Variants in AP1G1 observed in about 807,000 individuals in gnomAD.
AP1G1 encodes adaptor related protein complex 1 subunit gamma 1, also known as AP-1 complex subunit gamma-1.
AP1G1 carries 7 observed loss-of-function variants against 108.3 expected under a neutral mutation model. The observed-to-expected ratio is 0.06, with a 90% confidence interval of 0.04 to 0.12. The LOEUF is 0.12. AP1G1 is among the 10% of genes least tolerant of loss of function. AP1G1 has a pLI of 1.00. For synonymous variants in AP1G1, 379 were observed against 353.5 expected, an observed-to-expected ratio of 1.07 and a Z score of -0.81; for missense variants, 756 against 1,010.7, an observed-to-expected ratio of 0.75 and a Z score of 3.42.
intron 1 of AP1G1, among the ~76,000 whole-genome samples, chr16:71,803,599 T>C (rs2032886320): frequency 6.6e-6 from 1 of 152,164 alleles, no homozygotes; most frequent in African/African-American, 2.4e-5. Flanking sequence ...TGTATTGTGT[T>C]ACTAGGTCAG....
At chr16:71,801,763 A>G (rs2032808518) in intron 1 of AP1G1, among the ~76,000 whole-genome samples, 1 of 152,104 alleles carries the variant, frequency 6.6e-6, no homozygotes, top group African/African-American at 2.4e-5. Context: ...TCTACTGAAA[A>G]TACAAAAAAT....
At chr16:71,779,827 A>G (rs2031936812) in intron 2 of AP1G1, among the ~76,000 whole-genome samples, 1 of 152,046 alleles carries the variant, frequency 6.6e-6, no homozygotes, top group South Asian at 2.1e-4. Context: ...AGTTTCGCAC[A>G]CGGTCAGATG....
At chr16:71,762,157 T>C (rs1006739112) in intron 9 of AP1G1, among the ~76,000 whole-genome samples, 2 of 152,004 alleles carry the variant, frequency 1.3e-5, no homozygotes, top group African/African-American at 4.8e-5. Context: ...GGCACACCCA[T>C]GCAATATGGA....
At chr16:71,779,723 T>A (rs2031931668) in intron 2 of AP1G1, among the ~76,000 whole-genome samples, 1 of 152,206 alleles carries the variant, frequency 6.6e-6, no homozygotes, top group East Asian at 1.9e-4. Context: ...CCTTTTTACA[T>A]CTTCCTGTAG....
At chr16:71,789,247 C>G in intron 2 of AP1G1, 32 bp downstream of exon 2, 1 of 1,581,970 alleles carries the variant, frequency 6.3e-7, no homozygotes, top group East Asian at 2.3e-5. Flanking sequence ...TCAAAGAATA[C>G]CCTTGCTACA....
At chr16:71,781,933 G>A (rs768008403) in intron 2 of AP1G1, among the ~76,000 whole-genome samples, 2 of 152,198 alleles carry the variant, frequency 1.3e-5, no homozygotes, top group African/African-American at 2.4e-5. Context: ...CTTAGAGCCA[G>A]TGGTATGAAC....
chr16:71,801,985 A>G (rs2032818713), intron 1 of AP1G1, among the ~76,000 whole-genome samples: 1 of 151,848 alleles, frequency 6.6e-6, no homozygotes, highest in Non-Finnish European at 1.5e-5. Flanking sequence ...TTTGGATTTT[A>G]GGATTAGGGA....
chr16:71,753,918 A>C, intron 12 of AP1G1, 31 bp from the exon 13 acceptor site: 1 of 1,604,154 alleles, frequency 6.2e-7, no homozygotes, highest in Middle Eastern at 1.7e-4. Context: ...GGACACTTGG[A>C]ACCAGTAAAA....
At position 71,790,810 on chromosome 16, in the gene AP1G1, G is replaced by A. The variant is rs568095435; in HGVS notation, c.-3-1328C>T. On this transcript the variant is annotated intron_variant, in intron 1 of 22. Transcript: ENST00000299980. The stretch of plus-strand genomic sequence containing the variant: ...GAAGAAAACACAGAGGAAAATCTTT[G>A]CAAACAGGTTAAACAGAGAGACTTC... Among the ~76,000 whole-genome samples, 8 of 152,232 alleles carry A rather than the reference G, an allele frequency of 5.3e-5. No homozygotes were observed. The South Asian group carries it at 1.7e-3, about 32-fold the overall frequency.
rs1374438091 is a variant in AP1G1, at chr16:71,750,326, T to C, written c.1291A>G (p.Ser431Gly). The C allele has an allele frequency of 1.2e-6, 2 of 1,613,874 alleles. No individual in the cohort carries two copies. Among genetic ancestry groups the C allele is most frequent in the East Asian group, 2.2e-5 (1 of 44,868 alleles). Reference protein sequence around the residue: ...TIMRVLTTAGSYVRDDAVPNL... With the variant: ...TIMRVLTTAGGYVRDDAVPNL... Reference sequence around the variant, plus strand: ...GGGACTGCATCATCACGAACATAACTTCCTGCCTAAAAGGAAATGCAGACA... The same window carrying C: ...GGGACTGCATCATCACGAACATAACCTCCTGCCTAAAAGGAAATGCAGACA... Residue 431 changes from serine (S) to glycine (G), a missense_variant, in exon 14 of 23, where the codon AGT becomes GGT. Around this residue, in one of 3 missense-constraint regions of AP1G1, gnomAD observed 357 missense variants for 366.5 expected, o/e 0.97. Transcript: ENST00000299980.
Position 71,739,246 on chromosome 16 carries a change from C to A in AP1G1, c.2095G>T (p.Asp699Tyr). The change falls in exon 20 of 23, where the codon GAT becomes TAT. Residue 699 changes from aspartate to tyrosine, a missense_variant. By Grantham distance (160) the Asp-to-Tyr change is radical (BLOSUM62 -3). Around this residue, in one of 3 missense-constraint regions of AP1G1, gnomAD observed 95 missense variants for 160.5 expected, o/e 0.59. Transcript: ENST00000299980. Reference protein sequence around the residue: ...DGLSSQPLFNDIAAGIPSITA... With the variant: ...DGLSSQPLFNYIAAGIPSITA... ...ACAGTCATCGTACCTGCAGCAATAT[C>A]ATTGAAGAGAGGCTGTGATGAAAGC... 1.2e-6 allele frequency: 2 copies of A among 1,613,544 alleles called. No individual in the cohort carries two copies. The highest frequency in any genetic ancestry group is 1.1e-5 in the South Asian group (1 of 90,994).
chr16:71,779,498 C>T (rs2031921927), intron 2 of AP1G1, among the ~76,000 whole-genome samples: 1 of 151,902 alleles, frequency 6.6e-6, no homozygotes, highest in Non-Finnish European at 1.5e-5. Flanking sequence ...GTGCCACCAA[C>T]CCCAGCTAAT....
rs1459616687 is a variant in AP1G1, at chr16:71,736,113, A to AC, written c.2269-1407_2269-1406insG. Among the ~76,000 whole-genome samples, 99 of 75,720 alleles carry AC rather than the reference A, an allele frequency of 1.3e-3. 5 individuals are homozygous for AC. Among genetic ancestry groups the AC allele is most frequent in the African/African-American group, 5.8e-3 (99 of 17,178 alleles). 49.7% of individuals were successfully genotyped at this position (75,720 alleles called of 152,430 possible). ...GACTCCATCTCAAAAAAAAAAAAAA[A>AC]AAAAATATATATATATATATATATA... On this transcript the variant is annotated intron_variant, in intron 21 of 22. Transcript: ENST00000299980.
At chr16:71,778,459 G>T (rs938666579) in intron 2 of AP1G1, among the ~76,000 whole-genome samples, 4 of 152,084 alleles carry the variant, frequency 2.6e-5, no homozygotes, top group Non-Finnish European at 5.9e-5. Flanking sequence ...GAGGTGGGTG[G>T]ACTGCCTGAG....
intron 13 of AP1G1, among the ~76,000 whole-genome samples, chr16:71,751,831 C>A (rs2030523555): frequency 6.6e-6 from 1 of 152,080 alleles, no homozygotes; most frequent in Non-Finnish European, 1.5e-5. Context: ...TTAGACCACA[C>A]AGAATTAAAC....
intron 6 of AP1G1, among the ~76,000 whole-genome samples, chr16:71,768,956 T>C (rs1482040850): frequency 2.3e-4 from 16 of 68,152 alleles, no homozygotes; most frequent in South Asian, 5.3e-4. Context: ...GAAAAGAAAT[T>C]CCTGCCTTTA....
Position 71,748,000 on chromosome 16 carries a change from C to T in AP1G1, c.1625+251G>A, listed in dbSNP as rs531656138. The stretch of plus-strand genomic sequence containing the variant: ...CCTGTCTCAACAAACAAACAAAACC[C>T]CCTAAACTTTTCTGCTTCAAAATAA... On this transcript the variant is annotated intron_variant, in intron 16 of 22. Transcript: ENST00000299980. Among the ~76,000 whole-genome samples the T allele has an allele frequency of 2.6e-5, 4 of 152,220 alleles. No homozygotes were observed. In the East Asian group the frequency reaches 7.7e-4, roughly 29 times the overall value.
At chr16:71,804,040 A>C (rs1277071544) in intron 1 of AP1G1, among the ~76,000 whole-genome samples, 1 of 151,412 alleles carries the variant, frequency 6.6e-6, no homozygotes, top group African/African-American at 2.4e-5. Flanking sequence ...TGATAAACAT[A>C]TTTTATTTAT....
In AP1G1 at chr16:71,782,452, C is replaced by T. The variant is rs921755814; in HGVS notation, c.201+6827G>A. Among the ~76,000 whole-genome samples, 7 of 151,154 alleles carry T rather than the reference C, an allele frequency of 4.6e-5. No individual in the cohort carries two copies. The East Asian group carries it at 9.7e-4, about 21-fold the overall frequency. ...AGACTGAGATTACAAGTTTAGTCAC[C>T]GCACCCAGCCTACAATTATTATTAT... On this transcript the variant is annotated intron_variant, in intron 2 of 22. Transcript: ENST00000299980.
Sources: gnomAD v4.1 joint callset for allele counts (sites outside exome capture counted in the v4.1 genomes callset) on GRCh38, gnomAD v4.1.1 for gene constraint, gnomAD v4.1.1 regional missense constraint, MANE v1.5 for transcripts, NCBI Gene and HGNC (gene_info 2026-07-23, HGNC 2026-07-21) for gene names.